IL1RAPL1: variants seen among roughly 807,000 people sequenced by gnomAD.
The protein encoded by IL1RAPL1 is interleukin 1 receptor accessory protein like 1.
Under a neutral mutation model 48.4 loss-of-function variants are expected in IL1RAPL1, and 3 were observed. The observed-to-expected ratio is 0.06, with a 90% CI of 0.03 to 0.16. The LOEUF (loss-of-function observed/expected upper bound fraction) is 0.16, where lower values mean the gene tolerates loss of function less well. IL1RAPL1 is among the 10% of genes least tolerant of loss of function. The pLI, the probability that IL1RAPL1 is intolerant of heterozygous loss-of-function variation, is 1.00. For missense variants in IL1RAPL1, 349 were observed against 530.6 expected, an observed-to-expected ratio of 0.66 and a Z score of 3.36; for synonymous variants, 185 against 187.7, an observed-to-expected ratio of 0.99 and a Z score of 0.12.
chrX:29,942,630 T>G (rs1234614976), intron 9 of IL1RAPL1, among the ~76,000 whole-genome samples: 1 of 110,451 alleles, frequency 9.1e-6, no homozygotes, highest in Non-Finnish European at 1.9e-5. Flanking sequence ...TTTTTTTTTT[T>G]TTTAGTGAGG....
intron 2 of IL1RAPL1, among the ~76,000 whole-genome samples, chrX:28,978,260 CCA>C (rs778074691): frequency 1.8e-5 from 2 of 111,082 alleles, no homozygotes; most frequent in African/African-American, 3.3e-5. Flanking sequence ...GACTGGTGAT[CCA>C]CAGTGTTGGT....
At position 29,683,186 on chromosome X, in the gene IL1RAPL1, C is replaced by A. The variant is rs370511439; in HGVS notation, c.778+14682C>A. ...CCATTTATGACTTTATTACTGGGCACAAGGTCTGGTCAAATCCACATAGGT... is the reference window on the plus strand; with the variant it reads ...CCATTTATGACTTTATTACTGGGCAAAAGGTCTGGTCAAATCCACATAGGT... On this transcript the variant is annotated intron_variant, in intron 6 of 10. Transcript: ENST00000378993. 2.2e-4 allele frequency among the ~76,000 whole-genome samples: 25 copies of A among 111,863 alleles called. No individual in the cohort carries two copies. The East Asian group carries it at 6.5e-3, about 29-fold the overall frequency.
chrX:29,404,135 T>C (rs1934026567), intron 5 of IL1RAPL1, among the ~76,000 whole-genome samples: 1 of 112,266 alleles, frequency 8.9e-6, no homozygotes, highest in African/African-American at 3.2e-5. Context: ...TTTAAACAAA[T>C]GCATAGTGTC....
intron 1 of IL1RAPL1, among the ~76,000 whole-genome samples, chrX:28,623,873 T>C (rs1934310545): frequency 9.0e-6 from 1 of 111,579 alleles, no homozygotes; most frequent in Non-Finnish European, 1.9e-5. Context: ...AAAAAAACTC[T>C]TTGAGGCTGC....
chrX:28,996,689 T>C (rs1158864839), intron 2 of IL1RAPL1, among the ~76,000 whole-genome samples: 2 of 110,780 alleles, frequency 1.8e-5, no homozygotes, highest in Non-Finnish European at 3.8e-5. Context: ...TACAATTAAG[T>C]GGCCTTAAGT....
chrX:29,436,755 TAA>T (rs1221041984), intron 5 of IL1RAPL1, among the ~76,000 whole-genome samples: 2 of 110,561 alleles, frequency 1.8e-5, no homozygotes, highest in Non-Finnish European at 3.8e-5. Context: ...AAGTCAAAAA[TAA>T]AGAGTTCACA....
chrX:29,383,651 C>T (rs766119708), intron 3 of IL1RAPL1, among the ~76,000 whole-genome samples: 34 of 111,831 alleles, frequency 3.0e-4, no homozygotes, highest in African/African-American at 1.1e-3. Context: ...TCAAGCCATT[C>T]GTTATTTTAA....
At chrX:28,930,925 G>A (rs1025721560) in intron 2 of IL1RAPL1, among the ~76,000 whole-genome samples, 2 of 110,890 alleles carry the variant, frequency 1.8e-5, no homozygotes, top group Non-Finnish European at 3.8e-5. Flanking sequence ...ACAAGCGTGA[G>A]CCACCGCGCC....
chrX:28,593,893 A>T (rs1601827964), intron 1 of IL1RAPL1, among the ~76,000 whole-genome samples: 1 of 111,359 alleles, frequency 9.0e-6, no homozygotes, highest in East Asian at 2.8e-4. Flanking sequence ...AATTAAAAAA[A>T]TTCACTGGAA....
intron 5 of IL1RAPL1, among the ~76,000 whole-genome samples, chrX:29,535,718 T>A (rs989590360): frequency 1.8e-5 from 2 of 111,714 alleles, no homozygotes; most frequent in African/African-American, 6.5e-5. Flanking sequence ...AACTAGTACT[T>A]AGTATGTGAA....
intron 2 of IL1RAPL1, among the ~76,000 whole-genome samples, chrX:28,890,982 C>T (rs1215759394): frequency 8.9e-6 from 1 of 112,210 alleles, no homozygotes; most frequent in Non-Finnish European, 1.9e-5. Context: ...TGGTATTTGT[C>T]TGGATTAAGT....
intron 2 of IL1RAPL1, among the ~76,000 whole-genome samples, chrX:28,934,219 T>G (rs901287388): frequency 2.1e-4 from 23 of 111,317 alleles, no homozygotes; most frequent in African/African-American, 7.5e-4. Context: ...ATTCTAAGTA[T>G]AAATACATCA....
chrX:28,894,935 G>A (rs907090925), intron 2 of IL1RAPL1, among the ~76,000 whole-genome samples: 1 of 110,639 alleles, frequency 9.0e-6, no homozygotes, highest in Non-Finnish European at 1.9e-5. Context: ...GGTAACAGAT[G>A]AGGATGAAAT....
At chrX:29,322,958 A>G (rs1044491282) in intron 3 of IL1RAPL1, among the ~76,000 whole-genome samples, 6 of 111,639 alleles carry the variant, frequency 5.4e-5, no homozygotes, top group African/African-American at 2.0e-4. Flanking sequence ...ATCCTACCTG[A>G]TATGTTTTTA....
intron 3 of IL1RAPL1, among the ~76,000 whole-genome samples, chrX:29,363,843 A>G (rs1330082787): frequency 9.3e-6 from 1 of 107,131 alleles, no homozygotes; most frequent in Non-Finnish European, 1.9e-5. Context: ...GACCAAGCCC[A>G]TGATCCAATC....
At chrX:29,113,992 T>G (rs1485968992) in intron 2 of IL1RAPL1, among the ~76,000 whole-genome samples, 1 of 111,953 alleles carries the variant, frequency 8.9e-6, no homozygotes, top group African/African-American at 3.2e-5. Flanking sequence ...CATTATATCT[T>G]CTTTAATACA....
chrX:29,739,872 A>G (rs892173071), intron 6 of IL1RAPL1, among the ~76,000 whole-genome samples: 2 of 110,166 alleles, frequency 1.8e-5, no homozygotes, highest in African/African-American at 6.6e-5. Context: ...CAGCCTGGTC[A>G]ACACAGTGAA....
At chrX:29,223,943 A>G (rs187979184) in intron 2 of IL1RAPL1, among the ~76,000 whole-genome samples, 205 of 111,463 alleles carry the variant, frequency 1.8e-3, no homozygotes, top group Middle Eastern at 9.2e-3. Flanking sequence ...AGGCATCCAT[A>G]ATCACCAAAT....
chrX:29,638,038 A>G (rs138767201), intron 5 of IL1RAPL1, among the ~76,000 whole-genome samples: 3,497 of 111,881 alleles, frequency 0.031, 154 homozygotes, highest in African/African-American at 0.11. Flanking sequence ...TGGTCCTAGC[A>G]TATTGGAGAT....
Sources: gnomAD v4.1 joint callset for allele counts (sites outside exome capture counted in the v4.1 genomes callset) on GRCh38, gnomAD v4.1.1 for gene constraint, MANE v1.5 for transcripts, NCBI Gene and HGNC (gene_info 2026-07-23, HGNC 2026-07-21) for gene names.